The following BOC variants were observed in gnomAD, a reference collection of about 807,000 sequenced individuals.
BOC encodes the protein brother of CDO.
BOC carries 76 observed loss-of-function variants against 112.0 expected under a neutral mutation model. The ratio of observed to expected loss-of-function variants is 0.68; its 90% confidence interval spans 0.56 to 0.82. The LOEUF (loss-of-function observed/expected upper bound fraction) is 0.82. Ranked by LOEUF, BOC falls within the 40% of genes least tolerant of loss-of-function variation. The pLI is 0.00. For missense variants in BOC, 1,309 were observed against 1,511.7 expected (o/e 0.87, Z 2.22); for synonymous variants, 580 against 599.8 (o/e 0.97, Z 0.48).
chr3:113,218,272 C>G (rs1391549956), intron 2 of BOC, among the ~76,000 whole-genome samples: 1 of 152,184 alleles, frequency 6.6e-6, no homozygotes, highest in Non-Finnish European at 1.5e-5. Flanking sequence ...CAGTATTTTT[C>G]CAGATTACTC....
chr3:113,237,480 T>C (rs1943722579), intron 2 of BOC, among the ~76,000 whole-genome samples: 1 of 152,150 alleles, frequency 6.6e-6, no homozygotes, highest in Admixed American at 6.5e-5. Flanking sequence ...CATCCTAGAT[T>C]AGATTCTCCT....
At chr3:113,247,647 A>G (rs1022628851) in intron 2 of BOC, among the ~76,000 whole-genome samples, 1 of 152,156 alleles carries the variant, frequency 6.6e-6, no homozygotes, top group African/African-American at 2.4e-5. Context: ...TCTCTCCTGT[A>G]AAATGGGGAT....
chr3:113,279,794 C>T (rs1576498833), intron 12 of BOC, 30 bp from the exon 13 acceptor site: 1 of 1,573,138 alleles, frequency 6.4e-7, no homozygotes, highest in African/African-American at 1.4e-5. Context: ...TTTCCCAGCT[C>T]CTGAGTTCAG....
chr3:113,268,477 G>A, intron 5 of BOC, 32 bp downstream of exon 5: 4 of 1,605,550 alleles, frequency 2.5e-6, no homozygotes, highest in Non-Finnish European at 3.4e-6. Context: ...GGCCAAGGCT[G>A]AGGCCAGAAG....
intron 2 of BOC, among the ~76,000 whole-genome samples, chr3:113,236,302 A>ATATATATACCCATGGG (rs1553726945): frequency 2.5e-5 from 3 of 118,896 alleles, no homozygotes; most frequent in African/African-American, 1.0e-4. Flanking sequence ...ATATATATAT[A>ATATATATACCCATGGG]TATATATATA....
intron 2 of BOC, among the ~76,000 whole-genome samples, chr3:113,246,734 C>T (rs2650096): frequency 0.022 from 3,342 of 152,220 alleles, 128 homozygotes; most frequent in African/African-American, 0.077. Context: ...TGAGACCCCA[C>T]GCATCCTGTT....
intron 2 of BOC, among the ~76,000 whole-genome samples, chr3:113,226,721 C>T (rs989382915): frequency 6.6e-6 from 1 of 152,180 alleles, no homozygotes; most frequent in Non-Finnish European, 1.5e-5. Context: ...GACCTGTCTC[C>T]CTTGTGGAAA....
chr3:113,280,056 C>T (rs772898270), intron 13 of BOC, 51 bp downstream of exon 13: 3 of 1,526,852 alleles, frequency 2.0e-6, no homozygotes, highest in Non-Finnish European at 2.7e-6. Context: ...CCCCTAAATG[C>T]CCTTCCCTGT....
chr3:113,284,996 T>C, intron 18 of BOC, 138 bp downstream of exon 18: 1 of 739,758 alleles, frequency 1.4e-6, no homozygotes, highest in Non-Finnish European at 2.3e-6. Context: ...ATCATGCTCC[T>C]CTGAACCATT....
chr3:113,245,333 A>G (rs1944781736), intron 2 of BOC, among the ~76,000 whole-genome samples: 1 of 152,042 alleles, frequency 6.6e-6, no homozygotes. Context: ...GCTCACTACA[A>G]CCTCAAATTC....
intron 1 of BOC, chr3:113,212,577 T>G (rs1202931606): frequency 6.6e-6 from 1 of 152,170 alleles, no homozygotes; most frequent in Non-Finnish European, 1.5e-5. Flanking sequence ...AATGAGGAAC[T>G]CAGCGGACCG....
intron 4 of BOC, chr3:113,252,106 A>G (rs1945708248): frequency 6.6e-6 from 1 of 152,220 alleles, no homozygotes; most frequent in Non-Finnish European, 1.5e-5. Context: ...TGATGGATTC[A>G]ATACACCACT....
chr3:113,255,253 C>A (rs893713566), intron 4 of BOC, among the ~76,000 whole-genome samples: 6 of 150,898 alleles, frequency 4.0e-5, no homozygotes, highest in African/African-American at 7.3e-5. Flanking sequence ...GGCAGCCAAC[C>A]GCTCTACACA....
intron 4 of BOC, among the ~76,000 whole-genome samples, chr3:113,264,644 C>G (rs966339526): frequency 6.6e-6 from 1 of 152,144 alleles, no homozygotes. Flanking sequence ...TCATGAACTC[C>G]CCACCCCTCC....
rs750543829 is a variant in BOC at position 113,281,134 on chromosome 3, G to C, written c.2415G>C (p.Val805=). 5.9e-5 allele frequency: 95 copies of C among 1,614,038 alleles called. No homozygotes were observed. The highest frequency in any genetic ancestry group is 5.9e-6 in the Non-Finnish European group (7 of 1,180,048). The change falls in exon 15 of 20, where the codon GTG becomes GTC. Residue 805 remains valine, a synonymous_variant. Transcript: ENST00000682979. The stretch of plus-strand genomic sequence containing the variant: ...GAGGGGAGAGCGAGTTCAGCAACGT[G>C]ATGATCTGTGAGACCAAAGGTGAAG... The part of the protein sequence containing the change: ...NEGGESEFSN[V]MICETKARKS...
chr3:113,279,977 A>G lies in BOC; in HGVS notation c.2177A>G (p.Asn726Ser), dbSNP rs765926194. ...TATATCACCTTCACGGATGCGGTCA[A>G]TGAGACCACCATCATGCTCAAGTGG... is the stretch of plus-strand genomic sequence containing the variant. ...GPYITFTDAV[N>S]ETTIMLKWMY... The change falls in exon 13 of 20, where the codon AAT becomes AGT. Residue 726 changes from asparagine to serine, a missense_variant. By Grantham distance (46) the Asn-to-Ser change is conservative. Transcript: ENST00000682979. The G allele has an allele frequency of 3.7e-6, 6 of 1,612,252 alleles. No homozygotes were observed. Among genetic ancestry groups the G allele is most frequent in the South Asian group, 3.3e-5 (3 of 90,816 alleles).
intron 4 of BOC, among the ~76,000 whole-genome samples, chr3:113,263,482 A>G (rs1424636946): frequency 6.6e-6 from 1 of 152,238 alleles, no homozygotes; most frequent in Non-Finnish European, 1.5e-5. Flanking sequence ...TACTTCAAAC[A>G]GAATCGAACT....
At chr3:113,250,415 A>G in intron 3 of BOC, 140 bp from the exon 4 acceptor site, 1 of 949,092 alleles carries the variant, frequency 1.1e-6, no homozygotes. Context: ...TGGGAAATGG[A>G]CAAGAGCAGT....
intron 4 of BOC, among the ~76,000 whole-genome samples, chr3:113,254,740 T>A (rs1946047695): frequency 6.6e-6 from 1 of 152,218 alleles, no homozygotes. Context: ...CTGTCTGGCC[T>A]ACCTGGCAAG....
Sources: gnomAD v4.1 joint callset for allele counts (sites outside exome capture counted in the v4.1 genomes callset) on GRCh38, gnomAD v4.1.1 for gene constraint, MANE v1.5 for transcripts, NCBI Gene and HGNC (gene_info 2026-07-23, HGNC 2026-07-21) for gene names.